NPAS3: variants seen among roughly 807,000 people sequenced by gnomAD.
NPAS3 encodes neuronal PAS domain protein 3, also known as neuronal PAS domain-containing protein 3.
NPAS3 carries 14 observed loss-of-function variants against 73.1 expected under a neutral mutation model. The observed-to-expected ratio is 0.19, with a 90% CI of 0.13 to 0.30. The LOEUF is 0.30. Ranked by LOEUF, NPAS3 falls within the 10% of genes least tolerant of loss-of-function variation. NPAS3 has a pLI of 1.00. For missense variants in NPAS3, 1,096 were observed against 1,250.0 expected (o/e 0.88, Z 1.86); for synonymous variants, 620 against 541.5 (o/e 1.14, Z -2.01).
chr14:32,938,494 A>AGAGAGAGAGAGAGAGG (rs2035790846), upstream of NPAS3, among the ~76,000 whole-genome samples: 1 of 103,636 alleles, frequency 9.6e-6, no homozygotes, highest in Non-Finnish European at 2.1e-5. Flanking sequence ...ATTGAGAGAG[A>AGAGAGAGAGAGAGAGG]GAGAGAGAGA....
chr14:33,490,235 C>T (rs574523066), intron 4 of NPAS3, among the ~76,000 whole-genome samples: 5 of 152,184 alleles, frequency 3.3e-5, no homozygotes, highest in East Asian at 3.9e-4. Context: ...CTATATGTTT[C>T]GAACCCATTA....
At chr14:33,044,895 C>T (rs2040453758) in intron 1 of NPAS3, among the ~76,000 whole-genome samples, 1 of 152,148 alleles carries the variant, frequency 6.6e-6, no homozygotes, top group Admixed American at 6.5e-5. Context: ...CATTTATCAG[C>T]CTCAGGTGAG....
intron 4 of NPAS3, among the ~76,000 whole-genome samples, chr14:33,460,408 T>C (rs966567821): frequency 2.1e-4 from 32 of 152,182 alleles, no homozygotes; most frequent in African/African-American, 7.2e-4. Flanking sequence ...TCTGTCTCTG[T>C]TTTATTTTGC....
intron 2 of NPAS3, among the ~76,000 whole-genome samples, chr14:33,208,750 C>T (rs1267665140): frequency 1.3e-5 from 2 of 152,280 alleles, no homozygotes; most frequent in South Asian, 2.1e-4. Flanking sequence ...GTCAGCCAAG[C>T]TTAATATATC....
intron 2 of NPAS3, among the ~76,000 whole-genome samples, chr14:33,140,922 G>A (rs1056959755): frequency 6.6e-6 from 1 of 152,170 alleles, no homozygotes; most frequent in East Asian, 1.9e-4. Context: ...AAGCTGCTTG[G>A]TATCAGTCCA....
intron 5 of NPAS3, among the ~76,000 whole-genome samples, chr14:33,617,483 G>C (rs1400363724): frequency 6.6e-6 from 1 of 152,102 alleles, no homozygotes; most frequent in Non-Finnish European, 1.5e-5. Context: ...GTATTTGCCA[G>C]GATTAAGATC....
intron 1 of NPAS3, among the ~76,000 whole-genome samples, chr14:32,962,606 C>G (rs543069187): frequency 1.6e-5 from 2 of 126,314 alleles, no homozygotes; most frequent in Admixed American, 1.9e-4. Context: ...GGGTCTCGCT[C>G]TGTCACCCAG....
At chr14:33,009,026 T>C (rs977199744) in intron 1 of NPAS3, among the ~76,000 whole-genome samples, 4 of 152,216 alleles carry the variant, frequency 2.6e-5, no homozygotes, top group East Asian at 1.9e-4. Flanking sequence ...GTGACTGTTA[T>C]AGACTAGCAT....
chr14:32,939,561 C>G (rs1329052637), intron 1 of NPAS3, among the ~76,000 whole-genome samples, 195 bp downstream of exon 1: 1 of 130,142 alleles, frequency 7.7e-6, no homozygotes, highest in Non-Finnish European at 1.6e-5. Context: ...GAGGCTCTGG[C>G]GGCGGCCGGG....
At chr14:33,347,110 T>A (rs1265952158) in intron 3 of NPAS3, among the ~76,000 whole-genome samples, 1 of 152,210 alleles carries the variant, frequency 6.6e-6, no homozygotes, top group African/African-American at 2.4e-5. Context: ...TTGGTACAGT[T>A]CAGTTCCTCT....
At chr14:33,215,627 AGTC>A (rs2047196433) in intron 3 of NPAS3, 1 of 725,178 alleles carries the variant, frequency 1.4e-6, no homozygotes. Flanking sequence ...ATTTTCAAAA[AGTC>A]TATCAGCCTA....
chr14:33,216,124 G>A (rs1201522418), intron 3 of NPAS3, among the ~76,000 whole-genome samples: 1 of 152,046 alleles, frequency 6.6e-6, no homozygotes, highest in Non-Finnish European at 1.5e-5. Context: ...ATTTATTTAT[G>A]TATATGTGGT....
intron 4 of NPAS3, among the ~76,000 whole-genome samples, chr14:33,452,774 C>CAAA (rs61640170): frequency 0.067 from 3,558 of 53,306 alleles, 747 homozygotes; most frequent in African/African-American, 0.13. Context: ...GACTCTGTCT[C>CAAA]AAAAAAAAAA....
chr14:33,257,707 C>T (rs1470919851), intron 3 of NPAS3, among the ~76,000 whole-genome samples: 1 of 152,132 alleles, frequency 6.6e-6, no homozygotes, highest in East Asian at 1.9e-4. Flanking sequence ...TTCCACAATT[C>T]ACCATTAACA....
intron 6 of NPAS3, among the ~76,000 whole-genome samples, chr14:33,705,072 G>A (rs998786871): frequency 4.6e-5 from 7 of 152,136 alleles, no homozygotes; most frequent in African/African-American, 1.7e-4. Context: ...TGTCCAATAG[G>A]GGAAGCGCCC....
chr14:33,075,994 C>T (rs76411529), intron 2 of NPAS3, among the ~76,000 whole-genome samples: 12,911 of 152,138 alleles, frequency 0.085, 694 homozygotes, highest in Admixed American at 0.11. Context: ...TATCATAATA[C>T]AATTTTTGTA....
At chr14:33,268,558 T>A (rs1012888784) in intron 3 of NPAS3, among the ~76,000 whole-genome samples, 1 of 152,146 alleles carries the variant, frequency 6.6e-6, no homozygotes. Flanking sequence ...TGCATTCAAA[T>A]GTAACCACTC....
intron 1 of NPAS3, among the ~76,000 whole-genome samples, chr14:32,971,106 A>C (rs2037403938): frequency 7.1e-6 from 1 of 141,444 alleles, no homozygotes; most frequent in African/African-American, 2.6e-5. Flanking sequence ...TTTTTTTGAG[A>C]CAGGGTCTTG....
At chr14:32,937,742 C>A (rs111663321), upstream of NPAS3, among the ~76,000 whole-genome samples, 377 of 152,270 alleles carry the variant, frequency 2.5e-3, 2 homozygotes, top group African/African-American at 7.4e-3. Flanking sequence ...AAATGCAGAA[C>A]CTCACACAGG....
Sources: allele counts gnomAD v4.1 joint callset (sites outside exome capture counted in the v4.1 genomes callset), GRCh38; gene constraint gnomAD v4.1.1; transcripts MANE v1.5; gene names NCBI Gene and HGNC (gene_info 2026-07-23, HGNC 2026-07-21).